The following TLN2 variants were observed in gnomAD, a reference collection of about 807,000 sequenced individuals.
TLN2 encodes talin-2.
A neutral mutation model predicts 294.7 loss-of-function variants in TLN2; 118 were observed. The observed-to-expected ratio is 0.40, with a 90% CI of 0.34 to 0.47. TLN2 has a LOEUF of 0.47. Among genes scored for constraint, TLN2 ranks in the 20% least tolerant of loss-of-function variants. TLN2 has a pLI of 0.84. For synonymous variants in TLN2, 1,431 were observed against 1,304.5 expected (o/e 1.10, Z -2.09); for missense variants, 3,083 against 3,282.2 (o/e 0.94, Z 1.48).
rs747569276 is a variant in TLN2, at chr15:62,675,263, A to G, written c.899A>G (p.Lys300Arg). ...GEMSEIEAKV[K>R]YVKLARSLRT... ...ATGAGTGAGATAGAAGCCAAGGTCA[A>G]GTACGTCAAACTCGCACGGTCCCTC... The change falls in exon 11 of 59, where the codon AAG becomes AGG. Residue 300 changes from lysine (K) to arginine (R), a missense_variant. By Grantham distance (26) the Lys-to-Arg change is conservative. Transcript: ENST00000636159. 1.2e-6 allele frequency: 2 copies of G among 1,614,250 alleles called. No individual in the cohort carries two copies. Among genetic ancestry groups the G allele is most frequent in the Non-Finnish European group, 1.7e-6 (2 of 1,180,046 alleles).
chr15:62,528,612 C>G (rs2040861405), intron 1 of TLN2, among the ~76,000 whole-genome samples: 1 of 149,190 alleles, frequency 6.7e-6, no homozygotes, highest in African/African-American at 2.5e-5. Context: ...AATGCAGGGG[C>G]TATGTCTGGC....
At chr15:62,792,569 T>C (rs1331472268) in intron 45 of TLN2, 72 bp from the exon 46 acceptor site, 16 of 1,567,332 alleles carry the variant, frequency 1.0e-5, no homozygotes, top group Non-Finnish European at 1.4e-5. Context: ...GGAGAAATTT[T>C]CCACGTAGGG....
intron 1 of TLN2, among the ~76,000 whole-genome samples, chr15:62,528,655 T>C (rs950623978): frequency 1.3e-5 from 2 of 149,296 alleles, no homozygotes; most frequent in African/African-American, 5.0e-5. Flanking sequence ...CCTTCTTGAG[T>C]GTATCCAGAG....
chr15:62,409,662 AACTGC>A (rs2140250943), intron 1 of TLN2, among the ~76,000 whole-genome samples: 2 of 152,310 alleles, frequency 1.3e-5, no homozygotes, highest in South Asian at 4.1e-4. Context: ...TGTGGTTTTA[AACTGC>A]ACAGGTAGTT....
At chr15:62,643,365 G>A (rs893718280) in intron 3 of TLN2, among the ~76,000 whole-genome samples, 3 of 144,662 alleles carry the variant, frequency 2.1e-5, no homozygotes, top group Admixed American at 6.9e-5. Flanking sequence ...TCTTACACTC[G>A]TGTGCAGTGC....
intron 2 of TLN2, among the ~76,000 whole-genome samples, chr15:62,607,532 G>T (rs984254041): frequency 6.6e-6 from 1 of 152,176 alleles, no homozygotes; most frequent in Non-Finnish European, 1.5e-5. Flanking sequence ...CCTCCAGAAT[G>T]GGTGTATCAT....
At chr15:62,827,447 T>TTGAG (rs1159918172) in intron 54 of TLN2, among the ~76,000 whole-genome samples, 3 of 152,152 alleles carry the variant, frequency 2.0e-5, no homozygotes, top group African/African-American at 7.2e-5. Flanking sequence ...ACCAGGAAGG[T>TTGAG]TGAGTTGCTC....
intron 1 of TLN2, among the ~76,000 whole-genome samples, chr15:62,559,678 A>G (rs1043561634): frequency 6.6e-6 from 1 of 152,134 alleles, no homozygotes; most frequent in Non-Finnish European, 1.5e-5. Context: ...GGCAATGGAA[A>G]CCCATTCATA....
At chr15:62,391,272 C>T in intron 1 of TLN2, among the ~76,000 whole-genome samples, 1 of 152,270 alleles carries the variant, frequency 6.6e-6, no homozygotes, top group East Asian at 1.9e-4. Flanking sequence ...CTCAGACCTG[C>T]CGATCCCACG....
In TLN2 at chr15:62,686,701, G is replaced by T; in HGVS notation, c.1018G>T (p.Val340Leu). Residue 340 changes from valine to leucine, a missense_variant, in exon 12 of 59, where the codon GTG becomes TTG. Val to Leu is a conservative substitution (Grantham distance 32, BLOSUM62 1). Transcript: ENST00000636159. ...PRLLGITKDS[V>L]MRVDEKTKEV... is the part of the protein sequence containing the mutation. ...CCTGCTGGGGATCACCAAAGACTCGGTGATGCGCGTGGATGAGAAGACCAA... is the reference window on the plus strand; with the variant it reads ...CCTGCTGGGGATCACCAAAGACTCGTTGATGCGCGTGGATGAGAAGACCAA... 6.2e-7 allele frequency: 1 copy of T among 1,614,056 alleles called. No individual in the cohort carries two copies. The highest frequency in any genetic ancestry group is 2.2e-5 in the East Asian group (1 of 44,874).
chr15:62,819,810 C>G (rs1419386746), intron 53 of TLN2, among the ~76,000 whole-genome samples, 189 bp downstream of exon 53: 1 of 152,220 alleles, frequency 6.6e-6, no homozygotes, highest in Non-Finnish European at 1.5e-5. Flanking sequence ...CTCCCTGAAG[C>G]AAGTCTTTTC....
intron 51 of TLN2, among the ~76,000 whole-genome samples, chr15:62,807,287 C>G (rs1466296524): frequency 6.6e-6 from 1 of 152,140 alleles, no homozygotes; most frequent in Non-Finnish European, 1.5e-5. Flanking sequence ...TCAAAATTTT[C>G]GAAGAGCTGT....
chr15:62,508,258 C>T (rs1044432710), intron 1 of TLN2, among the ~76,000 whole-genome samples: 3 of 151,866 alleles, frequency 2.0e-5, no homozygotes, highest in Non-Finnish European at 2.9e-5. Context: ...CTCTTGTCAC[C>T]CAGGCTGGAG....
At chr15:62,565,857 A>G (rs2043348126) in intron 1 of TLN2, among the ~76,000 whole-genome samples, 1 of 152,232 alleles carries the variant, frequency 6.6e-6, no homozygotes, top group South Asian at 2.1e-4. Context: ...TGGCCCTGGC[A>G]TAGCATTGTC....
At chr15:62,744,671 C>T (rs1433248716) in intron 32 of TLN2, among the ~76,000 whole-genome samples, 1 of 151,946 alleles carries the variant, frequency 6.6e-6, no homozygotes, top group Admixed American at 6.5e-5. Context: ...CTCAGCCTCC[C>T]GAGTAGCTGG....
At chr15:62,530,517 C>T (rs778805903) in intron 1 of TLN2, among the ~76,000 whole-genome samples, 32 of 152,008 alleles carry the variant, frequency 2.1e-4, no homozygotes, top group Non-Finnish European at 4.1e-4. Context: ...CCACCATGCC[C>T]GGCTAATTTT....
At chr15:62,723,505 G>A (rs2060265144) in intron 26 of TLN2, among the ~76,000 whole-genome samples, 1 of 147,792 alleles carries the variant, frequency 6.8e-6, no homozygotes, top group South Asian at 2.2e-4. Flanking sequence ...AAGCAAGACT[G>A]TCCATTGGGT....
At chr15:62,775,004 T>C (rs2063607359) in intron 42 of TLN2, among the ~76,000 whole-genome samples, 1 of 142,776 alleles carries the variant, frequency 7.0e-6, no homozygotes, top group Admixed American at 7.4e-5. Context: ...TTGCCCAGGC[T>C]GGAGTGCAGT....
chr15:62,558,896 G>T (rs1274636135), intron 1 of TLN2, among the ~76,000 whole-genome samples: 1 of 152,162 alleles, frequency 6.6e-6, no homozygotes, highest in Non-Finnish European at 1.5e-5. Flanking sequence ...AAAAGAGGGG[G>T]CAGGATACCT....
Sources: allele counts gnomAD v4.1 joint callset (sites outside exome capture counted in the v4.1 genomes callset), GRCh38; gene constraint gnomAD v4.1.1; transcripts MANE v1.5; gene names NCBI Gene and HGNC (gene_info 2026-07-23, HGNC 2026-07-21).